The following TMC7 variants were observed in gnomAD, a reference collection of about 807,000 sequenced individuals.
TMC7 encodes the protein transmembrane channel like 7.
In TMC7, 54 loss-of-function variants were observed where a neutral mutation model predicts 82.9. The ratio of observed to expected loss-of-function variants is 0.65; its 90% CI spans 0.52 to 0.82. The LOEUF (loss-of-function observed/expected upper bound fraction) is 0.82. TMC7 is among the 40% of genes least tolerant of loss of function. The pLI is 0.00. For synonymous variants in TMC7, 350 were observed against 337.9 expected, an observed-to-expected ratio of 1.04 and a Z score of -0.39; for missense variants, 820 against 901.2, an observed-to-expected ratio of 0.91 and a Z score of 1.15.
In TMC7 at chr16:19,047,198, T is replaced by C. The variant is rs1295613884; in HGVS notation, c.1689T>C (p.Leu563=). The change falls in exon 12 of 16, where the codon CTT becomes CTC. Residue 563 remains leucine, a synonymous_variant. Coordinates refer to ENST00000304381, the MANE Select transcript of TMC7 (RefSeq NM_024847.4). ...GGATCGGAGCCTTTTTCTCACCCCT[T>C]CTCCCTGCAATTGCAACCCTGAAAT... ...ICWIGAFFSP[L]LPAIATLKFI... is the part of the protein sequence containing the mutation. 4 of 1,613,646 alleles carry C rather than the reference T, an allele frequency of 2.5e-6. No homozygotes were observed. In the African/African-American group the frequency reaches 5.3e-5, roughly 22 times the overall value.
In TMC7 at chr16:19,061,887, G is replaced by A; in HGVS notation, c.*44G>A. On this transcript the variant is annotated 3_prime_UTR_variant, in exon 16 of 16. Transcript: ENST00000304381. ...TGGTGCTGCCTGTTGCTTCTAAGCT[G>A]ACCTAGTGATTCTGCTGAGCCTACA... 1.3e-6 allele frequency: 2 copies of A among 1,551,320 alleles called. No homozygotes were observed. The highest frequency in any genetic ancestry group is 1.8e-6 in the Non-Finnish European group (2 of 1,132,186).
chr16:19,048,294 G>A (rs1192302888), intron 12 of TMC7, among the ~76,000 whole-genome samples: 1 of 151,846 alleles, frequency 6.6e-6, no homozygotes, highest in African/African-American at 2.4e-5. Flanking sequence ...TTATTTTCGG[G>A]TTTCAATGAT....
chr16:19,035,378 A>G (rs1233649407), intron 6 of TMC7, among the ~76,000 whole-genome samples: 5 of 152,184 alleles, frequency 3.3e-5, no homozygotes, highest in Non-Finnish European at 7.3e-5. Context: ...GCATCATGCA[A>G]TATTACCAAG....
intron 7 of TMC7, 130 bp from the exon 8 acceptor site, chr16:19,037,744 G>A (rs368289892): frequency 2.0e-6 from 2 of 993,782 alleles, no homozygotes; most frequent in Non-Finnish European, 1.5e-6. Context: ...CGGTGCTAGG[G>A]TTACAGGAGT....
chr16:19,009,445 T>C, intron 2 of TMC7, 30 bp downstream of exon 2: 1 of 1,598,718 alleles, frequency 6.3e-7, no homozygotes, highest in Non-Finnish European at 8.5e-7. Context: ...GGAACCTGCA[T>C]TGTGTATGTT....
intron 7 of TMC7, among the ~76,000 whole-genome samples, chr16:19,036,390 T>A (rs889976725): frequency 6.6e-6 from 1 of 152,162 alleles, no homozygotes; most frequent in Non-Finnish European, 1.5e-5. Flanking sequence ...ATGCCTGTAG[T>A]CCCAGCTACT....
intron 1 of TMC7, among the ~76,000 whole-genome samples, chr16:18,985,267 A>AG (rs2038825569): frequency 6.6e-6 from 1 of 151,708 alleles, no homozygotes. Flanking sequence ...AAAAAAAAAA[A>AG]AAGAAACCAA....
At chr16:19,047,398 TGC>T in intron 12 of TMC7, 149 bp downstream of exon 12, 2 of 693,984 alleles carry the variant, frequency 2.9e-6, no homozygotes, top group Non-Finnish European at 2.2e-6. Flanking sequence ...AGAAAAATAT[TGC>T]TTTTTTTTTT....
At position 19,044,974 on chromosome 16, in the gene TMC7, T is replaced by G. The variant is rs1208313842; in HGVS notation, c.1428T>G (p.Leu476=). The G allele has an allele frequency of 1.9e-6, 3 of 1,613,926 alleles. No individual in the cohort carries two copies. In the South Asian group the frequency reaches 3.3e-5, roughly 18 times the overall value. ...CCTGTGATGATGACACATGTGACCT[T>G]TGCGGCTACAACCAGAAACTCTACC... ...ITSCDDDTCD[L]CGYNQKLYPC... The change falls in exon 10 of 16, where the codon CTT becomes CTG. Residue 476 remains leucine (L), a synonymous_variant. Coordinates refer to ENST00000304381, the MANE Select transcript of TMC7 (RefSeq NM_024847.4).
intron 1 of TMC7, among the ~76,000 whole-genome samples, chr16:18,999,573 G>T (rs1268312742): frequency 6.6e-6 from 1 of 152,232 alleles, no homozygotes; most frequent in African/African-American, 2.4e-5. Context: ...CTAGAACAGT[G>T]CTTGAGTGGT....
intron 1 of TMC7, among the ~76,000 whole-genome samples, chr16:19,008,293 T>C (rs994369127): frequency 1.3e-5 from 2 of 152,198 alleles, no homozygotes; most frequent in Non-Finnish European, 2.9e-5. Context: ...ACAGCAAAGC[T>C]TGGCTTCTAG....
chr16:19,040,228 A>T lies in TMC7; in HGVS notation c.1180-61A>T, dbSNP rs28497531. The stretch of plus-strand genomic sequence containing the variant: ...ACATAGTTGAGTTCTTTTTTGTTCT[A>T]TCTATTTGTGGTGTAACTTCCTCAT... On this transcript the variant is annotated intron_variant, in intron 8 of 15. Coordinates refer to ENST00000304381, the MANE Select transcript of TMC7 (RefSeq NM_024847.4). 4,897 of 1,483,768 alleles carry T rather than the reference A, an allele frequency of 3.3e-3. 141 individuals are homozygous for T. In the African/African-American group the frequency reaches 0.061, roughly 18 times the overall value. 91.9% of individuals were successfully genotyped at this position (1,483,768 alleles called of 1,614,324 possible).
At chr16:19,020,853 A>AAAATAAAT (rs144614183) in intron 3 of TMC7, among the ~76,000 whole-genome samples, 24,672 of 142,346 alleles carry the variant, frequency 0.17, 2,254 homozygotes, top group Non-Finnish European at 0.21. Flanking sequence ...CATGGTGTCA[A>AAAATAAAT]AAATAAATAA....
chr16:19,055,908 A>G (rs1961748188), intron 13 of TMC7, among the ~76,000 whole-genome samples: 1 of 152,160 alleles, frequency 6.6e-6, no homozygotes, highest in Non-Finnish European at 1.5e-5. Context: ...TGAAGAGTCC[A>G]GGCCAGTTTC....
intron 1 of TMC7, among the ~76,000 whole-genome samples, chr16:19,003,162 C>G (rs149350721): frequency 1.1e-3 from 164 of 152,270 alleles, no homozygotes; most frequent in African/African-American, 3.9e-3. Context: ...AAGACCCCGT[C>G]TCTACTAAAA....
chr16:19,044,714 A>ACTGAGAT (rs1472615898), intron 9 of TMC7, among the ~76,000 whole-genome samples, 170 bp from the exon 10 acceptor site: 6 of 149,610 alleles, frequency 4.0e-5, no homozygotes, highest in Non-Finnish European at 8.9e-5. Flanking sequence ...AGGCAGGAGA[A>ACTGAGAT]CTGAGATCAC....
Position 19,020,292 on chromosome 16 carries a change from G to A in TMC7, c.461-1337G>A, listed in dbSNP as rs368363446. On this transcript the variant is annotated intron_variant, in intron 3 of 15. Transcript: ENST00000304381. ...AGATTGAGAATGAGAAAAAGGTGCCGATTATCACAGATTCTATTCAAAATC... is the reference window on the plus strand; with the variant it reads ...AGATTGAGAATGAGAAAAAGGTGCCAATTATCACAGATTCTATTCAAAATC... Among the ~76,000 whole-genome samples, 36 of 152,250 alleles carry A rather than the reference G, an allele frequency of 2.4e-4. No individual in the cohort carries two copies. The South Asian group carries it at 7.5e-3, about 32-fold the overall frequency.
Position 19,047,177 on chromosome 16 carries a change from C to G in TMC7, c.1668C>G (p.Ile556Met), listed in dbSNP as rs201258676. 5 of 1,613,916 alleles carry G rather than the reference C, an allele frequency of 3.1e-6. No individual in the cohort carries two copies. The highest frequency in any genetic ancestry group is 4.2e-6 in the Non-Finnish European group (5 of 1,180,004). Residue 556 changes from isoleucine to methionine, a missense_variant, in exon 12 of 16, where the codon ATC (isoleucine) becomes ATG (methionine). By Grantham distance (10) the Ile-to-Met change is conservative. Transcript: ENST00000304381. Reference sequence around the variant, plus strand: ...TTTACGGGCAAACCATCTGCTGGATCGGAGCCTTTTTCTCACCCCTTCTCC... The same window carrying G: ...TTTACGGGCAAACCATCTGCTGGATGGGAGCCTTTTTCTCACCCCTTCTCC... Reference protein sequence around the residue: ...GIVYGQTICWIGAFFSPLLPA... With the variant: ...GIVYGQTICWMGAFFSPLLPA...
At chr16:19,028,392 AAGG>A (rs952672478) in intron 5 of TMC7, among the ~76,000 whole-genome samples, 10 of 152,072 alleles carry the variant, frequency 6.6e-5, no homozygotes, top group African/African-American at 2.4e-4. Context: ...AAAAAAAAAG[AAGG>A]AGAAGAAGTC....
Sources: gnomAD v4.1 joint callset for allele counts (sites outside exome capture counted in the v4.1 genomes callset) on GRCh38, gnomAD v4.1.1 for gene constraint, MANE v1.5 for transcripts, NCBI Gene and HGNC (gene_info 2026-07-23, HGNC 2026-07-21) for gene names.